FBXO38: variants seen among roughly 807,000 people sequenced by gnomAD.
FBXO38 encodes F-box only protein 38.
Under a neutral mutation model 131.9 loss-of-function variants are expected in FBXO38, and 53 were observed. The observed-to-expected ratio is 0.40, with a 90% CI of 0.32 to 0.51. The LOEUF is 0.51. Among genes scored for constraint, FBXO38 ranks in the 20% least tolerant of loss-of-function variants. The probability of loss-of-function intolerance (pLI) is 0.53; values close to 1 mark genes in which losing one functional copy is unlikely to be tolerated. For synonymous variants in FBXO38, 452 were observed against 505.6 expected, an observed-to-expected ratio of 0.89 and a Z score of 1.42; for missense variants, 1,076 against 1,475.6, an observed-to-expected ratio of 0.73 and a Z score of 4.44.
At chr5:148,428,511 A>G (rs895359213) in intron 15 of FBXO38, among the ~76,000 whole-genome samples, 3 of 152,230 alleles carry the variant, frequency 2.0e-5, no homozygotes, top group East Asian at 1.9e-4. Context: ...ATATATGTGT[A>G]TTTAATTTCA....
intron 1 of FBXO38, among the ~76,000 whole-genome samples, chr5:148,386,234 G>A (rs1757907883): frequency 1.3e-5 from 2 of 152,144 alleles, no homozygotes; most frequent in Admixed American, 6.5e-5. Context: ...GCATTGCTCT[G>A]GAATGCAGGA....
chr5:148,438,573 G>A, intron 18 of FBXO38, 75 bp downstream of exon 18: 2 of 1,504,852 alleles, frequency 1.3e-6, no homozygotes, highest in Non-Finnish European at 1.8e-6. Context: ...TTAGTCTTTA[G>A]CCTTTTGGAT....
At chr5:148,392,565 CTT>C (rs1561511554) in intron 1 of FBXO38, among the ~76,000 whole-genome samples, 1 of 137,056 alleles carries the variant, frequency 7.3e-6, no homozygotes, top group Non-Finnish European at 1.5e-5. Context: ...GAAATTTTTT[CTT>C]TTTTTGCTTT....
At chr5:148,403,775 T>A (rs977914233) in intron 5 of FBXO38, among the ~76,000 whole-genome samples, 3 of 152,334 alleles carry the variant, frequency 2.0e-5, no homozygotes, top group African/African-American at 7.2e-5. Context: ...ACTGCAATTT[T>A]ACATTCTCTA....
intron 17 of FBXO38, among the ~76,000 whole-genome samples, chr5:148,437,732 G>T (rs903300971): frequency 6.6e-6 from 1 of 152,094 alleles, no homozygotes. Context: ...CTGACTTCAT[G>T]TTTTATATGT....
At chr5:148,398,956 T>G in intron 2 of FBXO38, 43 bp from the exon 3 acceptor site, 1 of 1,608,112 alleles carries the variant, frequency 6.2e-7, no homozygotes. Context: ...TGAGAAGTAA[T>G]ACTTATCCAC....
At chr5:148,425,234 G>A (rs1270917559) in intron 13 of FBXO38, among the ~76,000 whole-genome samples, 2 of 152,168 alleles carry the variant, frequency 1.3e-5, no homozygotes, top group African/African-American at 4.8e-5. Flanking sequence ...CTTTGAAATA[G>A]TGAAGGTCCT....
At chr5:148,408,691 G>A (rs1752574349) in intron 7 of FBXO38, among the ~76,000 whole-genome samples, 2 of 152,166 alleles carry the variant, frequency 1.3e-5, no homozygotes, top group South Asian at 4.1e-4. Flanking sequence ...CTATATATTA[G>A]TAATTTATGT....
chr5:148,417,768 G>A (rs766371480), intron 12 of FBXO38, among the ~76,000 whole-genome samples: 1 of 152,158 alleles, frequency 6.6e-6, no homozygotes, highest in Non-Finnish European at 1.5e-5. Flanking sequence ...CAACCCATGT[G>A]TGAAGGTGCT....
chr5:148,387,095 A>G (rs1268438548), intron 1 of FBXO38, among the ~76,000 whole-genome samples: 1 of 152,158 alleles, frequency 6.6e-6, no homozygotes, highest in African/African-American at 2.4e-5. Context: ...TCCTTCTAGG[A>G]AATATTTTGT....
intron 12 of FBXO38, among the ~76,000 whole-genome samples, chr5:148,419,575 T>G (rs531224991): frequency 6.6e-6 from 1 of 152,300 alleles, no homozygotes; most frequent in East Asian, 1.9e-4. Context: ...CTCTCCTTGA[T>G]GTACAATTTG....
chr5:148,418,830 A>G (rs1010889892), intron 12 of FBXO38, among the ~76,000 whole-genome samples: 3 of 152,254 alleles, frequency 2.0e-5, no homozygotes, highest in Non-Finnish European at 4.4e-5. Flanking sequence ...AATGCCTGCC[A>G]TTGTGAAATC....
At position 148,442,285 on chromosome 5, in the gene FBXO38, A is replaced by G; in HGVS notation, c.*138A>G. The G allele has an allele frequency of 5.2e-6, 3 of 576,370 alleles. No homozygotes were observed. The highest frequency in any genetic ancestry group is 3.3e-5 in the Admixed American group (1 of 30,426). The allele number at this position is 576,370 out of a possible 1,614,324, so 35.7% of individuals were successfully genotyped here. ...GCTATATAGGGAATATATAAGGAAC[A>G]TCGAAATTGTATACAAAGATTTGTA... On this transcript the variant is annotated 3_prime_UTR_variant, in exon 22 of 22. Transcript: ENST00000340253.
At chr5:148,389,553 T>C (rs976275077) in intron 1 of FBXO38, among the ~76,000 whole-genome samples, 1 of 152,202 alleles carries the variant, frequency 6.6e-6, no homozygotes, top group Non-Finnish European at 1.5e-5. Flanking sequence ...TACTGCTTTG[T>C]ACGTTCTCTG....
intron 1 of FBXO38, among the ~76,000 whole-genome samples, chr5:148,384,542 C>A (rs1406219334): frequency 6.6e-6 from 1 of 152,196 alleles, no homozygotes; most frequent in African/African-American, 2.4e-5. Flanking sequence ...CCCCTTCCAC[C>A]TACACACCGT....
intron 2 of FBXO38, among the ~76,000 whole-genome samples, chr5:148,398,343 G>T (rs1413020180): frequency 6.6e-6 from 1 of 151,112 alleles, no homozygotes. Flanking sequence ...TTCAGGAAAA[G>T]ATAATAAAGA....
chr5:148,397,452 G>A (rs1581230480), intron 2 of FBXO38, among the ~76,000 whole-genome samples: 1 of 152,242 alleles, frequency 6.6e-6, no homozygotes, highest in East Asian at 1.9e-4. Flanking sequence ...AAATATTACA[G>A]TGGCAAAATT....
chr5:148,427,617 A>G lies in FBXO38; in HGVS notation c.2323A>G (p.Arg775Gly), dbSNP rs1470549535. The G allele has an allele frequency of 6.2e-7, 1 of 1,614,182 alleles. No individual in the cohort carries two copies. Among genetic ancestry groups the G allele is most frequent in the Non-Finnish European group, 8.5e-7 (1 of 1,180,016 alleles). Residue 775 changes from arginine (R) to glycine (G), a missense_variant, in exon 15 of 22, where the codon AGA (arginine) becomes GGA (glycine). Arg to Gly is a moderately radical substitution (Grantham distance 125). Coordinates refer to ENST00000340253, the MANE Select transcript of FBXO38 (RefSeq NM_205836.3). ...AGATGCAGAGAGTTCTGTCTGCCCCAGATGCTGCTGTCACAGGCCCCAGGA... is the reference window on the plus strand; with the variant it reads ...AGATGCAGAGAGTTCTGTCTGCCCCGGATGCTGCTGTCACAGGCCCCAGGA... ...EGDAESSVCP[R>G]CCCHRPQESQ...
chr5:148,402,650 G>A lies in FBXO38; in HGVS notation c.592+137G>A. On this transcript the variant is annotated intron_variant, in intron 5 of 21. Coordinates refer to ENST00000340253, the MANE Select transcript of FBXO38 (RefSeq NM_205836.3). ...TGCAAAATAAATGTTTGCAAGATCT[G>A]TATAAAAATTCCGATTTCCCATTAA... The A allele has an allele frequency of 5.3e-6, 4 of 757,844 alleles. No individual in the cohort carries two copies. In the South Asian group the frequency reaches 7.7e-5, roughly 15 times the overall value. 46.9% of individuals were successfully genotyped at this position (757,844 alleles called of 1,614,324 possible).
Sources: gnomAD v4.1 joint callset for allele counts (sites outside exome capture counted in the v4.1 genomes callset) on GRCh38, gnomAD v4.1.1 for gene constraint, MANE v1.5 for transcripts, NCBI Gene and HGNC (gene_info 2026-07-23, HGNC 2026-07-21) for gene names.